The following CCDC63 variants were observed in gnomAD, a reference collection of about 807,000 sequenced individuals.
CCDC63 encodes the protein coiled-coil domain-containing protein 63.
A neutral mutation model predicts 63.6 loss-of-function variants in CCDC63; 54 were observed. The ratio of observed to expected loss-of-function variants is 0.85; its 90% CI spans 0.68 to 1.07. The LOEUF is 1.07. Among genes scored for constraint, CCDC63 ranks in the 50% least tolerant of loss-of-function variants. The pLI is 0.00. For synonymous variants in CCDC63, 253 were observed against 266.1 expected, an observed-to-expected ratio of 0.95 and a Z score of 0.48; for missense variants, 637 against 689.6, an observed-to-expected ratio of 0.92 and a Z score of 0.86.
chr12:110,856,781 G>A (rs2070776971), intron 3 of CCDC63, among the ~76,000 whole-genome samples: 1 of 151,498 alleles, frequency 6.6e-6, no homozygotes, highest in African/African-American at 2.4e-5. Context: ...ACACAGCCAT[G>A]CCTGTTGGTT....
chr12:110,845,763 CT>C (rs71083150), upstream of CCDC63: 16,191 of 140,908 alleles, frequency 0.11, 1,409 homozygotes, highest in African/African-American at 0.26. Context: ...ATGGTAAGTT[CT>C]TTTTTTTTTT....
chr12:110,874,947 A>T (rs954953546), intron 5 of CCDC63, among the ~76,000 whole-genome samples: 2 of 152,198 alleles, frequency 1.3e-5, no homozygotes, highest in Admixed American at 1.3e-4. Flanking sequence ...CACACATTCC[A>T]GTCTGGTTTG....
chr12:110,885,357 G>A (rs1365826741), intron 8 of CCDC63, among the ~76,000 whole-genome samples: 2 of 152,140 alleles, frequency 1.3e-5, no homozygotes, highest in Admixed American at 6.5e-5. Flanking sequence ...AAAGAAGCCT[G>A]TCTACCTTTG....
chr12:110,857,679 C>G (rs2070791939), intron 3 of CCDC63, among the ~76,000 whole-genome samples: 1 of 152,196 alleles, frequency 6.6e-6, no homozygotes, highest in Non-Finnish European at 1.5e-5. Flanking sequence ...TGCAGTCTTT[C>G]AAGCTCCCTT....
At chr12:110,902,397 T>G (rs76929039) in intron 10 of CCDC63, among the ~76,000 whole-genome samples, 1 of 152,156 alleles carries the variant, frequency 6.6e-6, no homozygotes, top group Non-Finnish European at 1.5e-5. Flanking sequence ...CTCCTCTCGA[T>G]CCTTCCAAAT....
rs2071599808 is a variant in CCDC63 at position 110,907,238 on chromosome 12, C to T, written c.1547-93C>T. The stretch of plus-strand genomic sequence containing the variant: ...GAAACCTGAGAATTTCCATGCTCCA[C>T]TCCCCAGTGCTATGGAGGGACGCCA... On this transcript the variant is annotated intron_variant, in intron 11 of 11. Coordinates refer to ENST00000308208, the MANE Select transcript of CCDC63 (RefSeq NM_152591.3). The surrounding 1 kb of genome is among the most constrained non-coding windows in gnomAD (Gnocchi z 4.4). 2.4e-6 allele frequency: 3 copies of T among 1,225,962 alleles called. No homozygotes were observed. The highest frequency in any genetic ancestry group is 3.4e-6 in the Non-Finnish European group (3 of 889,408). The allele number at this position is 1,225,962 out of a possible 1,614,324, so 75.9% of individuals were successfully genotyped here.
chr12:110,882,128 G>A (rs530489336), intron 7 of CCDC63, among the ~76,000 whole-genome samples: 10 of 152,170 alleles, frequency 6.6e-5, no homozygotes, highest in Non-Finnish European at 1.2e-4. Context: ...GTGGTCCGGC[G>A]TCTGGAGGAA....
At chr12:110,900,106 G>A (rs181218678) in intron 10 of CCDC63, among the ~76,000 whole-genome samples, 99 of 152,142 alleles carry the variant, frequency 6.5e-4, no homozygotes, top group Non-Finnish European at 1.1e-3. Context: ...CCAGATACTC[G>A]GGAGGCTGAG....
At chr12:110,887,701 G>A (rs2071302237) in intron 8 of CCDC63, among the ~76,000 whole-genome samples, 1 of 151,736 alleles carries the variant, frequency 6.6e-6, no homozygotes, top group African/African-American at 2.4e-5. Context: ...GGCTGGGGGC[G>A]GAGTCTCATA....
chr12:110,857,805 A>C (rs1038406511), intron 3 of CCDC63, among the ~76,000 whole-genome samples: 1 of 152,162 alleles, frequency 6.6e-6, no homozygotes, highest in Admixed American at 6.5e-5. Context: ...GTGTTGATGC[A>C]AACTTGAAAA....
upstream of CCDC63, chr12:110,845,912 G>A (rs2070631733): frequency 6.9e-6 from 1 of 144,166 alleles, no homozygotes; most frequent in Non-Finnish European, 1.5e-5. Flanking sequence ...CCCACCGGGT[G>A]TGTGCCACCA....
At chr12:110,865,418 C>G (rs1453435846) in intron 4 of CCDC63, among the ~76,000 whole-genome samples, 1 of 120,758 alleles carries the variant, frequency 8.3e-6, no homozygotes, top group Non-Finnish European at 1.6e-5. Context: ...TTTAAGATTT[C>G]ATTAGTTGAC....
chr12:110,868,488 G>C (rs572769169), intron 4 of CCDC63, among the ~76,000 whole-genome samples: 3 of 150,114 alleles, frequency 2.0e-5, no homozygotes, highest in East Asian at 4.0e-4. Context: ...CCGGCACCTC[G>C]GGAGGCCGAG....
chr12:110,902,607 T>A (rs1003340478), intron 10 of CCDC63, among the ~76,000 whole-genome samples: 2 of 151,814 alleles, frequency 1.3e-5, no homozygotes, highest in African/African-American at 4.8e-5. Context: ...CTCACCGCAG[T>A]CCTAGTGTTT....
In CCDC63 at chr12:110,879,900, CA is replaced by C; in HGVS notation, c.490-4del. On this transcript the variant is annotated splice_polypyrimidine_tract_variant and splice_region_variant and intron_variant, in intron 5 of 11. Coordinates refer to ENST00000308208, the MANE Select transcript of CCDC63 (RefSeq NM_152591.3). ...GACCTGTTTTGAAGCATGGCCCTTT[CA>C]ACAGGTCACTGTTCACTTTGACAAG... The C allele has an allele frequency of 6.2e-7, 1 of 1,613,846 alleles. No individual in the cohort carries two copies. Among genetic ancestry groups the C allele is most frequent in the Non-Finnish European group, 8.5e-7 (1 of 1,179,798 alleles).
At chr12:110,898,060 T>C (rs955484044) in intron 9 of CCDC63, among the ~76,000 whole-genome samples, 6 of 151,572 alleles carry the variant, frequency 4.0e-5, no homozygotes, top group South Asian at 2.1e-4. Flanking sequence ...AGTGGGAGGA[T>C]TGCTGGAATC....
At chr12:110,877,999 G>A (rs1056989418) in intron 5 of CCDC63, among the ~76,000 whole-genome samples, 2 of 151,976 alleles carry the variant, frequency 1.3e-5, no homozygotes, top group East Asian at 1.9e-4. Flanking sequence ...GAGCCACTGC[G>A]CCCAGCCTTG....
Position 110,853,395 on chromosome 12 carries a change from T to C in CCDC63, c.10-10T>C. ...CACTACGGCCTCCCACTCCTCTCCATCTCCCCCAGTTGAAGAAGAACAGGA... is the reference window on the plus strand; with the variant it reads ...CACTACGGCCTCCCACTCCTCTCCACCTCCCCCAGTTGAAGAAGAACAGGA... On this transcript the variant is annotated splice_polypyrimidine_tract_variant and intron_variant, in intron 2 of 11. Coordinates refer to ENST00000308208, the MANE Select transcript of CCDC63 (RefSeq NM_152591.3). 6.2e-7 allele frequency: 1 copy of C among 1,605,430 alleles called. No homozygotes were observed. The highest frequency in any genetic ancestry group is 8.5e-7 in the Non-Finnish European group (1 of 1,177,486).
rs930964838 is a variant in CCDC63 at position 110,881,353 on chromosome 12, C to G, written c.853+57C>G. On this transcript the variant is annotated intron_variant, in intron 7 of 11. Coordinates refer to ENST00000308208, the MANE Select transcript of CCDC63 (RefSeq NM_152591.3). ...TCACTCTCTTTCTTGCCTTCTTTCT[C>G]TCTTTCTCTCTTTTTAAGTGAAGGT... The G allele has an allele frequency of 3.3e-6, 5 of 1,521,228 alleles. 1 individual carries two copies. In the Admixed American group the frequency reaches 6.6e-5, roughly 20 times the overall value. The allele number at this position is 1,521,228 out of a possible 1,614,324, so 94.2% of individuals were successfully genotyped here. A position where few individuals can be genotyped will look rare whatever the true frequency, so the allele number is the denominator to read the frequency against.
Sources: gnomAD v4.1 joint callset for allele counts (sites outside exome capture counted in the v4.1 genomes callset) on GRCh38, gnomAD v4.1.1 for gene constraint, Gnocchi (gnomAD v3.1) non-coding constraint, MANE v1.5 for transcripts, NCBI Gene and HGNC (gene_info 2026-07-23, HGNC 2026-07-21) for gene names.